Variants in GGCT observed in about 807,000 individuals in gnomAD.
GGCT encodes the protein cytochrome c-releasing factor 21.
Under a neutral mutation model 22.1 loss-of-function variants are expected in GGCT, and 20 were observed. The ratio of observed to expected loss-of-function variants is 0.91; its 90% CI spans 0.64 to 1.32. The LOEUF is 1.32. GGCT is among the 40% of genes most tolerant of loss of function. GGCT has a pLI of 0.00. For synonymous variants in GGCT, 72 were observed against 78.4 expected, an observed-to-expected ratio of 0.92 and a Z score of 0.43; for missense variants, 209 against 223.5, an observed-to-expected ratio of 0.94 and a Z score of 0.41.
At chr7:30,497,291 T>A in intron 3 of GGCT, 56 bp from the exon 4 acceptor site, 3 of 1,307,958 alleles carry the variant, frequency 2.3e-6, no homozygotes, top group African/African-American at 1.5e-5. Flanking sequence ...GAATATAATT[T>A]AACGTACCAT....
intron 1 of GGCT, among the ~76,000 whole-genome samples, chr7:30,504,061 A>G (rs907373690): frequency 7.9e-5 from 12 of 152,196 alleles, no homozygotes; most frequent in Non-Finnish European, 2.9e-5. Flanking sequence ...AACACTGGTT[A>G]TAGTTCATGC....
Position 30,504,525 on chromosome 7 carries a change from G to C in GGCT, c.141+44C>G, listed in dbSNP as rs1789782661. On this transcript the variant is annotated intron_variant, in intron 1 of 3. Transcript: ENST00000275428. ...TGTGCCCCCGAGGAAGCGCCTTCTG[G>C]GCATCCCGGCCCCGGCGTGGGTAGC... 3 of 1,608,826 alleles carry C rather than the reference G, an allele frequency of 1.9e-6. No individual in the cohort carries two copies. In the African/African-American group the frequency reaches 4.0e-5, roughly 21 times the overall value.
chr7:30,504,650 A>G lies in GGCT; in HGVS notation c.60T>C (p.Phe20=), dbSNP rs776707787. 2 of 1,614,120 alleles carry G rather than the reference A, an allele frequency of 1.2e-6. No individual in the cohort carries two copies. Among genetic ancestry groups the G allele is most frequent in the East Asian group, 2.2e-5 (1 of 44,868 alleles). ...TGPDEESFLY[F]AYGSNLLTER... is the part of the protein sequence containing the mutation. ...CTGTCAGCAGGTTGCTGCCGTAGGCAAAGTACAGAAAACTCTCCTCATCTG... is the reference window on the plus strand; with the variant it reads ...CTGTCAGCAGGTTGCTGCCGTAGGCGAAGTACAGAAAACTCTCCTCATCTG... The change falls in exon 1 of 4, where the codon TTT becomes TTC. Residue 20 remains phenylalanine (F), a synonymous_variant. Coordinates refer to ENST00000275428, the MANE Select transcript of GGCT (RefSeq NM_024051.4).
rs370659108 is a variant in GGCT, at chr7:30,496,939, A to G, written c.*153T>C. ...AACTCCTATCCCAGTTTCTTTTTAT[A>G]GTCTAAAAACAAGGAATCACCCAAG... On this transcript the variant is annotated 3_prime_UTR_variant, in exon 4 of 4. Transcript: ENST00000275428. 1 of 481,136 alleles carries G rather than the reference A, an allele frequency of 2.1e-6. No homozygotes were observed. Among genetic ancestry groups the G allele is most frequent in the Non-Finnish European group, 3.6e-6 (1 of 277,654 alleles). 29.8% of individuals were successfully genotyped at this position (481,136 alleles called of 1,614,324 possible). A position where few individuals can be genotyped will look rare whatever the true frequency, so the allele number is the denominator to read the frequency against.
In GGCT at chr7:30,496,854, G is replaced by A; in HGVS notation, c.*238C>T. On this transcript the variant is annotated 3_prime_UTR_variant, in exon 4 of 4. Coordinates refer to ENST00000275428, the MANE Select transcript of GGCT (RefSeq NM_024051.4). ...GAATAGCTTTCAGTGTTCACAGAAG[G>A]GGTACTCACATTCATTTGTCACATA... The A allele has an allele frequency of 3.3e-6, 1 of 307,214 alleles. No homozygotes were observed. Among genetic ancestry groups the A allele is most frequent in the East Asian group, 5.6e-5 (1 of 17,744 alleles). The allele number at this position is 307,214 out of a possible 1,614,324, so 19.0% of individuals were successfully genotyped here.
At chr7:30,497,890 T>G in intron 3 of GGCT, 1 of 1,436,488 alleles carries the variant, frequency 7.0e-7, no homozygotes. Flanking sequence ...GACGTTTCTT[T>G]CTCCACCTAG....
intron 3 of GGCT, chr7:30,497,920 A>C: frequency 2.3e-6 from 3 of 1,325,542 alleles, no homozygotes; most frequent in South Asian, 1.9e-5. Flanking sequence ...ACATTTCAGC[A>C]GTAGAAAGTA....
intron 1 of GGCT, among the ~76,000 whole-genome samples, chr7:30,504,165 C>A (rs141114516): frequency 5.1e-4 from 77 of 152,334 alleles, no homozygotes; most frequent in Non-Finnish European, 8.4e-4. Context: ...GGCAGGTAAA[C>A]GGATTTTCAC....
intron 2 of GGCT, among the ~76,000 whole-genome samples, chr7:30,499,502 G>A (rs1277061959): frequency 6.6e-6 from 1 of 151,374 alleles, no homozygotes; most frequent in African/African-American, 2.4e-5. Flanking sequence ...TCAGGAGTTC[G>A]AGGCCAGCCT....
chr7:30,499,624 A>C (rs990995501), intron 2 of GGCT, among the ~76,000 whole-genome samples: 1 of 151,968 alleles, frequency 6.6e-6, no homozygotes, highest in African/African-American at 2.4e-5. Flanking sequence ...AGGCGGGAGA[A>C]TCACTGGAAC....
chr7:30,498,850 G>A lies in GGCT; in HGVS notation c.376C>T (p.Leu126=). ...EGKEITCRSY[L]MTNYESAPPS... ...GGAGCACTTTCGTAATTTGTCATCA[G>A]ATAACTTCGACAGGTTATTTCTTTT... Residue 126 remains leucine (L), a synonymous_variant, in exon 3 of 4, where the codon CTG becomes TTG. Coordinates refer to ENST00000275428, the MANE Select transcript of GGCT (RefSeq NM_024051.4). 1 of 1,612,862 alleles carries A rather than the reference G, an allele frequency of 6.2e-7. No individual in the cohort carries two copies. Among genetic ancestry groups the A allele is most frequent in the Non-Finnish European group, 8.5e-7 (1 of 1,178,854 alleles).
Position 30,504,777 on chromosome 7 carries a change from G to A in GGCT, c.-68C>T, listed in dbSNP as rs984209244. 25 of 1,510,166 alleles carry A rather than the reference G, an allele frequency of 1.7e-5. No individual in the cohort carries two copies. Among genetic ancestry groups the A allele is most frequent in the Non-Finnish European group, 2.3e-5 (25 of 1,090,024 alleles). The allele number at this position is 1,510,166 out of a possible 1,614,324, so 93.5% of individuals were successfully genotyped here. ...GGAACGGCCAGAGAGCGCAACACTG[G>A]GGCCCACTACCCCGGCGCAGTGACC... On this transcript the variant is annotated 5_prime_UTR_variant, in exon 1 of 4. Transcript: ENST00000275428.
intron 1 of GGCT, among the ~76,000 whole-genome samples, chr7:30,501,802 C>T (rs1789709621): frequency 6.6e-6 from 1 of 152,124 alleles, no homozygotes; most frequent in African/African-American, 2.4e-5. Context: ...ATCCCTGTCA[C>T]TTATATTTTC....
chr7:30,500,271 A>G lies in GGCT; in HGVS notation c.287+265T>C, dbSNP rs1789669052. Among the ~76,000 whole-genome samples, 6 of 152,262 alleles carry G rather than the reference A, an allele frequency of 3.9e-5. No homozygotes were observed. In the South Asian group the frequency reaches 1.2e-3, roughly 31 times the overall value. On this transcript the variant is annotated intron_variant, in intron 2 of 3. Transcript: ENST00000275428. ...CAGTATGAAACTATAAAGAAAAATT[A>G]TGAAAGACAATAGAATGAAAAATAA...
Position 30,504,798 on chromosome 7 carries a change from T to C in GGCT, c.-89A>G, listed in dbSNP as rs1250289058. On this transcript the variant is annotated 5_prime_UTR_variant, in exon 1 of 4. Transcript: ENST00000275428. ...ACTGGGGCCCACTACCCCGGCGCAGTGACCGCCGCGCGGCAGCCTCAGGGT... is the reference window on the plus strand; with the variant it reads ...ACTGGGGCCCACTACCCCGGCGCAGCGACCGCCGCGCGGCAGCCTCAGGGT... 8.9e-6 allele frequency: 12 copies of C among 1,351,268 alleles called. No homozygotes were observed. Among genetic ancestry groups the C allele is most frequent in the South Asian group, 7.2e-5 (6 of 82,956 alleles). 83.7% of individuals were successfully genotyped at this position (1,351,268 alleles called of 1,614,324 possible). A position where few individuals can be genotyped will look rare whatever the true frequency, so the allele number is the denominator to read the frequency against.
At position 30,502,454 on chromosome 7, in the gene GGCT, C is replaced by G. The variant is rs544384459; in HGVS notation, c.142-1773G>C. 5.9e-5 allele frequency among the ~76,000 whole-genome samples: 9 copies of G among 152,298 alleles called. No homozygotes were observed. The South Asian group carries it at 1.9e-3, about 32-fold the overall frequency. ...CAAATATTCTGATCATCTTTAAACC[C>G]AGACCAGATCTCTCTTCTGAGCTTC... On this transcript the variant is annotated intron_variant, in intron 1 of 3. Coordinates refer to ENST00000275428, the MANE Select transcript of GGCT (RefSeq NM_024051.4).
At chr7:30,502,235 T>A (rs1306138496) in intron 1 of GGCT, among the ~76,000 whole-genome samples, 1 of 151,978 alleles carries the variant, frequency 6.6e-6, no homozygotes, top group East Asian at 1.9e-4. Flanking sequence ...TGCATGGGCC[T>A]TTTTTTTGTT....
chr7:30,499,794 C>T (rs1789656518), intron 2 of GGCT, among the ~76,000 whole-genome samples: 1 of 150,434 alleles, frequency 6.6e-6, no homozygotes, highest in South Asian at 2.1e-4. Flanking sequence ...CCTAACATAA[C>T]TCTCTGTATT....
At chr7:30,502,515 T>C (rs1291222040) in intron 1 of GGCT, among the ~76,000 whole-genome samples, 1 of 152,246 alleles carries the variant, frequency 6.6e-6, no homozygotes, top group Non-Finnish European at 1.5e-5. Flanking sequence ...ACACAGTAAG[T>C]ACTTAATAAA....
Sources: gnomAD v4.1 joint callset for allele counts (sites outside exome capture counted in the v4.1 genomes callset) on GRCh38, gnomAD v4.1.1 for gene constraint, MANE v1.5 for transcripts, NCBI Gene and HGNC (gene_info 2026-07-23, HGNC 2026-07-21) for gene names.